The following ARL13A variants were observed in gnomAD, a reference collection of about 807,000 sequenced individuals.
The protein encoded by ARL13A is ARF like GTPase 13A, also known as ADP-ribosylation factor-like protein 13A.
A neutral mutation model predicts 19.1 loss-of-function variants in ARL13A; 16 were observed. That is an observed-to-expected ratio of 0.84 (90% confidence interval 0.57 to 1.27). The LOEUF is 1.27. ARL13A is among the 50% of genes most tolerant of loss of function. ARL13A has a pLI of 0.00. For synonymous variants in ARL13A, 69 were observed against 71.3 expected (o/e 0.97, Z 0.17); for missense variants, 153 against 186.4 (o/e 0.82, Z 1.04).
intron 4 of ARL13A, among the ~76,000 whole-genome samples, chrX:100,986,354 T>A (rs1227316417): frequency 1.8e-5 from 2 of 111,769 alleles, no homozygotes; most frequent in African/African-American, 6.5e-5. Flanking sequence ...TAACTAGCAC[T>A]TATTCCAGGG....
intron 3 of ARL13A, among the ~76,000 whole-genome samples, chrX:100,976,602 GT>G (rs773743583): frequency 6.3e-5 from 7 of 111,993 alleles, no homozygotes; most frequent in African/African-American, 3.2e-5. Context: ...TGTTTTTGTT[GT>G]TGTTGTTAGT....
At chrX:100,976,197 C>G (rs2085758793) in intron 3 of ARL13A, among the ~76,000 whole-genome samples, 1 of 109,652 alleles carries the variant, frequency 9.1e-6, no homozygotes, top group African/African-American at 3.3e-5. Context: ...CCTGGATTCC[C>G]TTTAGTCTCG....
chrX:100,988,664 G>A (rs1177535165), intron 7 of ARL13A: 2 of 630,206 alleles, frequency 3.2e-6, no homozygotes, highest in Non-Finnish European at 4.1e-6. Flanking sequence ...CTCACTCTAT[G>A]GTTGGTGATT....
Position 100,990,690 on chromosome X carries a change from G to C in ARL13A, c.*102G>C. 1.1e-6 allele frequency: 1 copy of C among 885,098 alleles called. No individual in the cohort carries two copies. The highest frequency in any genetic ancestry group is 2.3e-5 in the South Asian group (1 of 43,470). 72.9% of individuals were successfully genotyped at this position (885,098 alleles called of 1,213,427 possible). A position where few individuals can be genotyped will look rare whatever the true frequency, so the allele number is the denominator to read the frequency against. On this transcript the variant is annotated 3_prime_UTR_variant, in exon 8 of 8. Transcript: ENST00000450049. ...TTTGTACCGAGATGCTGCTGACAAA[G>C]CTTGTGGACAATAAGTCATGGGTGA...
intron 1 of ARL13A, among the ~76,000 whole-genome samples, chrX:100,970,383 A>C (rs2085639253): frequency 8.9e-6 from 1 of 112,649 alleles, no homozygotes; most frequent in Admixed American, 9.4e-5. Flanking sequence ...CAGAACAGTA[A>C]ATGACTGGAT....
chrX:100,985,553 G>C (rs767504263), intron 3 of ARL13A, 114 bp from the exon 4 acceptor site: 1 of 887,793 alleles, frequency 1.1e-6, no homozygotes, highest in Non-Finnish European at 1.6e-6. Flanking sequence ...CCTCTGCATA[G>C]TACTTCCCAG....
At chrX:100,975,021 C>A (rs902419709) in intron 3 of ARL13A, among the ~76,000 whole-genome samples, 2 of 111,559 alleles carry the variant, frequency 1.8e-5, no homozygotes, top group Admixed American at 1.9e-4. Flanking sequence ...CTCCATTTGT[C>A]CCCCCCAGTA....
Position 100,990,652 on chromosome X carries a change from G to C in ARL13A, c.*64G>C. On this transcript the variant is annotated 3_prime_UTR_variant, in exon 8 of 8. Transcript: ENST00000450049. ...AAGACCACCTTGGTAAAAAAGAACAGAGACTTTACATCTTTGTACCGAGAT... is the reference window on the plus strand; with the variant it reads ...AAGACCACCTTGGTAAAAAAGAACACAGACTTTACATCTTTGTACCGAGAT... 9.5e-7 allele frequency: 1 copy of C among 1,050,642 alleles called. No individual in the cohort carries two copies. Among genetic ancestry groups the C allele is most frequent in the Non-Finnish European group, 1.3e-6 (1 of 768,079 alleles). 86.6% of individuals were successfully genotyped at this position (1,050,642 alleles called of 1,213,427 possible).
At chrX:100,972,542 A>AC (rs2085676599) in intron 1 of ARL13A, among the ~76,000 whole-genome samples, 1 of 34,552 alleles carries the variant, frequency 2.9e-5, no homozygotes, top group Non-Finnish European at 5.3e-5. Context: ...GGGGACTGAC[A>AC]CCCCCACCTC....
Position 100,988,574 on chromosome X carries a change from T to A in ARL13A, c.744+291T>A, listed in dbSNP as rs59459517. 9.2e-4 allele frequency: 910 copies of A among 989,777 alleles called. 3 individuals carry two copies. In the African/African-American group the frequency reaches 0.017, roughly 18 times the overall value. 81.6% of individuals were successfully genotyped at this position (989,777 alleles called of 1,213,427 possible). On this transcript the variant is annotated intron_variant, in intron 7 of 7. Coordinates refer to ENST00000450049, the MANE Select transcript of ARL13A (RefSeq NM_001162491.2). ...ATTTTTGAAGGTAATGCTGGATCAG[T>A]GGTTAGAGAAGAAAATTTACATAGG...
At chrX:100,981,461 G>A (rs1415684565) in intron 3 of ARL13A, among the ~76,000 whole-genome samples, 1 of 109,753 alleles carries the variant, frequency 9.1e-6, no homozygotes, top group African/African-American at 3.3e-5. Context: ...TGGTGCTGGT[G>A]ATTCAAGACT....
chrX:100,982,224 C>T (rs2085867766), intron 3 of ARL13A, among the ~76,000 whole-genome samples: 1 of 111,286 alleles, frequency 9.0e-6, no homozygotes, highest in East Asian at 2.8e-4. Flanking sequence ...GGTGTGGTAG[C>T]TCACGCCTGT....
intron 3 of ARL13A, among the ~76,000 whole-genome samples, chrX:100,984,268 C>T (rs745409500): frequency 3.6e-5 from 4 of 109,724 alleles, no homozygotes; most frequent in Non-Finnish European, 3.8e-5. Flanking sequence ...CGTGTGCCAC[C>T]GCACCCGGCT....
At chrX:100,975,648 T>C (rs773599472) in intron 3 of ARL13A, among the ~76,000 whole-genome samples, 1 of 103,798 alleles carries the variant, frequency 9.6e-6, no homozygotes, top group Non-Finnish European at 1.9e-5. Flanking sequence ...TTTTTTTTTC[T>C]CTGAGACAGA....
rs142903701 is a variant in ARL13A at position 100,990,023 on chromosome X, A to G, written c.745-539A>G. Among the ~76,000 whole-genome samples, 828 of 112,901 alleles carry G rather than the reference A, an allele frequency of 7.3e-3. 8 individuals are homozygous for G. Among genetic ancestry groups the G allele is most frequent in the African/African-American group, 0.025 (791 of 31,113 alleles). ...AAAATTTAAATCCATTTTCCTTTCTATAACTCCAGAACTTATGGCAAAAAA... is the reference window on the plus strand; with the variant it reads ...AAAATTTAAATCCATTTTCCTTTCTGTAACTCCAGAACTTATGGCAAAAAA... On this transcript the variant is annotated intron_variant, in intron 7 of 7. Transcript: ENST00000450049.
At chrX:100,981,636 C>CA (rs1202530212) in intron 3 of ARL13A, among the ~76,000 whole-genome samples, 93 of 75,441 alleles carry the variant, frequency 1.2e-3, no homozygotes, top group East Asian at 0.011. Flanking sequence ...AAACTCTCTA[C>CA]AAAAAAAAAA....
chrX:100,978,448 TATA>T (rs1355173508), intron 3 of ARL13A, among the ~76,000 whole-genome samples: 4 of 111,930 alleles, frequency 3.6e-5, no homozygotes, highest in Non-Finnish European at 5.6e-5. Context: ...CTTATCATTA[TATA>T]ATGACATTCT....
chrX:100,989,149 C>T (rs959970136), intron 7 of ARL13A, among the ~76,000 whole-genome samples: 1 of 110,585 alleles, frequency 9.0e-6, no homozygotes, highest in Non-Finnish European at 1.9e-5. Context: ...AAGTTTTCCA[C>T]AACCTGGCAT....
chrX:100,986,925 C>A, intron 5 of ARL13A, 24 bp downstream of exon 5: 2 of 1,065,730 alleles, frequency 1.9e-6, no homozygotes, highest in South Asian at 2.1e-5. Flanking sequence ...TCTTCCTTCC[C>A]TCTTCCTCTG....
Sources: gnomAD v4.1 joint callset for allele counts (sites outside exome capture counted in the v4.1 genomes callset) on GRCh38, gnomAD v4.1.1 for gene constraint, MANE v1.5 for transcripts, NCBI Gene and HGNC (gene_info 2026-07-23, HGNC 2026-07-21) for gene names.